Variants in TSPAN9 observed in about 807,000 individuals in gnomAD.
TSPAN9 encodes tetraspanin-9.
TSPAN9 carries 16 observed loss-of-function variants against 31.0 expected under a neutral mutation model. The ratio of observed to expected loss-of-function variants is 0.52; its 90% confidence interval spans 0.35 to 0.78. TSPAN9 has a LOEUF of 0.78. Among genes scored for constraint, TSPAN9 ranks in the 30% least tolerant of loss-of-function variants. The pLI, the probability that TSPAN9 is intolerant of heterozygous loss-of-function variation, is 0.01. For missense variants in TSPAN9, 272 were observed against 312.5 expected (o/e 0.87, Z 0.98); for synonymous variants, 145 against 121.6 (o/e 1.19, Z -1.27).
At chr12:3,141,191 A>G (rs1359688191) in intron 2 of TSPAN9, among the ~76,000 whole-genome samples, 2 of 152,000 alleles carry the variant, frequency 1.3e-5, no homozygotes, top group African/African-American at 4.8e-5. Flanking sequence ...CCGTGTCAGG[A>G]GGAAGTCTAA....
At chr12:3,119,210 T>C (rs376078769) in intron 2 of TSPAN9, among the ~76,000 whole-genome samples, 59 of 152,304 alleles carry the variant, frequency 3.9e-4, no homozygotes, top group African/African-American at 1.3e-3. Context: ...GTGGATAAGA[T>C]ACCAGGAGGG....
chr12:3,088,238 A>G (rs1308130454), intron 2 of TSPAN9, among the ~76,000 whole-genome samples: 1 of 152,264 alleles, frequency 6.6e-6, no homozygotes, highest in African/African-American at 2.4e-5. Context: ...GGACATGCAG[A>G]TTGCAAAGAC....
At chr12:3,099,874 C>G (rs1398010232) in intron 2 of TSPAN9, among the ~76,000 whole-genome samples, 1 of 134,392 alleles carries the variant, frequency 7.4e-6, no homozygotes, top group Non-Finnish European at 1.5e-5. Flanking sequence ...CGGAGTCTTG[C>G]TCTGTCGCCC....
chr12:3,144,023 ATC>A (rs2098336034), intron 2 of TSPAN9, among the ~76,000 whole-genome samples: 1 of 152,208 alleles, frequency 6.6e-6, no homozygotes, highest in African/African-American at 2.4e-5. Flanking sequence ...ACATATCTGT[ATC>A]TCTGTTGTTC....
At chr12:3,091,030 G>A (rs2098304252) in intron 2 of TSPAN9, among the ~76,000 whole-genome samples, 1 of 152,364 alleles carries the variant, frequency 6.6e-6, no homozygotes, top group East Asian at 1.9e-4. Flanking sequence ...GGCTCTGAGA[G>A]CTGTAGAAGT....
In TSPAN9 at chr12:3,186,966, T is replaced by C. The variant is rs182972456; in HGVS notation, c.-17-14211T>C. 2.8e-4 allele frequency among the ~76,000 whole-genome samples: 43 copies of C among 152,310 alleles called. 1 individual carries two copies. Among genetic ancestry groups the C allele is most frequent in the Admixed American group, 2.2e-3 (33 of 15,294 alleles). ...TCTTGAGAGCCTATTAGAAAGTAAT[T>C]AGAACATTTGCCTGCCAGTAGCTTG... On this transcript the variant is annotated intron_variant, in intron 2 of 8. Coordinates refer to ENST00000011898, the MANE Select transcript of TSPAN9 (RefSeq NM_006675.5).
At chr12:3,142,672 G>C (rs1257328083) in intron 2 of TSPAN9, among the ~76,000 whole-genome samples, 1 of 152,142 alleles carries the variant, frequency 6.6e-6, no homozygotes, top group Admixed American at 6.5e-5. Flanking sequence ...CTGGTGCCCC[G>C]CATCCCTGCC....
intron 3 of TSPAN9, among the ~76,000 whole-genome samples, chr12:3,216,745 G>A (rs904061795): frequency 2.0e-5 from 3 of 152,246 alleles, no homozygotes; most frequent in Non-Finnish European, 2.9e-5. Flanking sequence ...GGGGTCACCT[G>A]CTGCCTTTCT....
At chr12:3,222,807 C>T (rs1318950515) in intron 3 of TSPAN9, among the ~76,000 whole-genome samples, 1 of 152,216 alleles carries the variant, frequency 6.6e-6, no homozygotes, top group African/African-American at 2.4e-5. Context: ...TAGCCCTCTC[C>T]TTAAACCACC....
intron 3 of TSPAN9, among the ~76,000 whole-genome samples, chr12:3,274,786 C>T (rs886505922): frequency 4.6e-5 from 7 of 152,198 alleles, no homozygotes; most frequent in African/African-American, 1.2e-4. Context: ...AGGATGGGAG[C>T]GTGGCAGTGG....
chr12:3,081,618 C>T (rs939123690), intron 1 of TSPAN9, among the ~76,000 whole-genome samples: 4 of 152,014 alleles, frequency 2.6e-5, no homozygotes, highest in Non-Finnish European at 5.9e-5. Context: ...TTATATACTT[C>T]CTTGGGTGGT....
At chr12:3,252,169 C>A (rs138928558) in intron 3 of TSPAN9, among the ~76,000 whole-genome samples, 1 of 152,188 alleles carries the variant, frequency 6.6e-6, no homozygotes, top group Non-Finnish European at 1.5e-5. Context: ...TCAGAGTTGC[C>A]GTGTCCCTCA....
At chr12:3,236,656 G>A (rs1429416666) in intron 3 of TSPAN9, among the ~76,000 whole-genome samples, 7 of 152,162 alleles carry the variant, frequency 4.6e-5, no homozygotes, top group South Asian at 2.1e-4. Context: ...AAATGGAGGC[G>A]GGGGTAGAGA....
At chr12:3,177,956 C>T (rs986319838) in intron 2 of TSPAN9, among the ~76,000 whole-genome samples, 3 of 152,148 alleles carry the variant, frequency 2.0e-5, no homozygotes, top group African/African-American at 7.2e-5. Flanking sequence ...GTGTCTTGCC[C>T]GCCGATGGGT....
chr12:3,259,202 C>A (rs115671870), intron 3 of TSPAN9, among the ~76,000 whole-genome samples: 1 of 152,244 alleles, frequency 6.6e-6, no homozygotes, highest in Non-Finnish European at 1.5e-5. Flanking sequence ...TTTCGCCTCA[C>A]TGGAGTCCAC....
intron 2 of TSPAN9, among the ~76,000 whole-genome samples, chr12:3,178,248 C>T (rs1017251105): frequency 6.6e-6 from 1 of 151,942 alleles, no homozygotes; most frequent in Admixed American, 6.6e-5. Flanking sequence ...TTTCTGTCTT[C>T]AGCTGTGGCC....
intron 3 of TSPAN9, among the ~76,000 whole-genome samples, chr12:3,215,825 A>G (rs1341638607): frequency 6.6e-6 from 1 of 151,932 alleles, no homozygotes; most frequent in Admixed American, 6.5e-5. Context: ...GTTGGTCCAG[A>G]GCACGTTCCA....
intron 3 of TSPAN9, among the ~76,000 whole-genome samples, chr12:3,270,372 A>G (rs1862651162): frequency 6.6e-6 from 1 of 152,104 alleles, no homozygotes; most frequent in Admixed American, 6.5e-5. Flanking sequence ...AGATGCCCCC[A>G]TCCCTCCCCT....
intron 2 of TSPAN9, among the ~76,000 whole-genome samples, chr12:3,194,716 A>G (rs2098366243): frequency 6.6e-6 from 1 of 152,172 alleles, no homozygotes; most frequent in African/African-American, 2.4e-5. Flanking sequence ...TCAGAAACTT[A>G]AAAAAACAAA....
Sources: allele counts gnomAD v4.1 joint callset (sites outside exome capture counted in the v4.1 genomes callset), GRCh38; gene constraint gnomAD v4.1.1; transcripts MANE v1.5; gene names NCBI Gene and HGNC (gene_info 2026-07-23, HGNC 2026-07-21).